The following RAB4A variants were observed in gnomAD, a reference collection of about 807,000 sequenced individuals.
The protein encoded by RAB4A is ras-related protein Rab-4A.
A neutral mutation model predicts 34.5 loss-of-function variants in RAB4A; 20 were observed. The ratio of observed to expected loss-of-function variants is 0.58; its 90% CI spans 0.41 to 0.84. The LOEUF is 0.84. RAB4A is among the 40% of genes least tolerant of loss of function. The pLI, the probability that RAB4A is intolerant of heterozygous loss-of-function variation, is 0.00. For synonymous variants in RAB4A, 102 were observed against 100.0 expected (o/e 1.02, Z -0.12); for missense variants, 228 against 274.5 (o/e 0.83, Z 1.20).
intron 3 of RAB4A, among the ~76,000 whole-genome samples, chr1:229,295,299 G>T (rs1657213168): frequency 6.6e-6 from 1 of 152,158 alleles, no homozygotes; most frequent in African/African-American, 2.4e-5. Flanking sequence ...AAACATGTAT[G>T]ACCAAAAGAC....
intron 1 of RAB4A, among the ~76,000 whole-genome samples, chr1:229,275,108 G>A (rs1421399752): frequency 2.0e-5 from 3 of 152,182 alleles, no homozygotes; most frequent in African/African-American, 2.4e-5. Context: ...CCTAGTACCT[G>A]TGAATGTGAC....
At chr1:229,286,739 T>C (rs760394779) in intron 2 of RAB4A, among the ~76,000 whole-genome samples, 173 bp downstream of exon 2, 7 of 152,220 alleles carry the variant, frequency 4.6e-5, no homozygotes, top group Non-Finnish European at 8.8e-5. Flanking sequence ...TAAGTTAGCA[T>C]TTCTATTTAA....
chr1:229,279,831 G>A (rs921115802), intron 1 of RAB4A, among the ~76,000 whole-genome samples: 3 of 140,834 alleles, frequency 2.1e-5, no homozygotes, highest in Non-Finnish European at 4.6e-5. Context: ...CTTATCAGGT[G>A]AATATAATTA....
At chr1:229,277,108 G>T (rs575621196) in intron 1 of RAB4A, among the ~76,000 whole-genome samples, 10 of 148,008 alleles carry the variant, frequency 6.8e-5, no homozygotes, top group African/African-American at 2.3e-4. Flanking sequence ...TATATCAGTG[G>T]AAAGTAACAA....
At chr1:229,283,898 T>A (rs1571825832) in intron 1 of RAB4A, among the ~76,000 whole-genome samples, 2 of 149,112 alleles carry the variant, frequency 1.3e-5, no homozygotes, top group East Asian at 2.0e-4. Flanking sequence ...GGCTAATTTT[T>A]TTATTATTAT....
At position 229,302,939 on chromosome 1, in the gene RAB4A, C is replaced by T. The variant is rs779345299; in HGVS notation, c.619C>T (p.Arg207Cys). Residue 207 changes from arginine to cysteine, a missense_variant, in exon 7 of 8, where the codon CGC becomes TGC. By Grantham distance (180) the Arg-to-Cys change is radical. Coordinates refer to ENST00000366690, the MANE Select transcript of RAB4A (RefSeq NM_004578.4). Reference sequence around the variant, plus strand: ...CTTGAGACAGCTGAGGTCACCGCGGCGCGCACAGGCCCCGAACGCTCAGGA... The same window carrying T: ...CTTGAGACAGCTGAGGTCACCGCGGTGCGCACAGGCCCCGAACGCTCAGGA... ...AALRQLRSPR[R>C]AQAPNAQECG... 43 of 1,613,752 alleles carry T rather than the reference C, an allele frequency of 2.7e-5. 1 individual carries two copies. Among genetic ancestry groups the T allele is most frequent in the Middle Eastern group, 3.3e-4 (2 of 6,084 alleles).
intron 3 of RAB4A, among the ~76,000 whole-genome samples, chr1:229,292,319 C>T (rs1571831373): frequency 6.6e-6 from 1 of 151,750 alleles, no homozygotes; most frequent in East Asian, 1.9e-4. Flanking sequence ...GTATAAGAAA[C>T]TATTTGTCAA....
chr1:229,301,943 A>G (rs1342022261), intron 6 of RAB4A, among the ~76,000 whole-genome samples: 1 of 151,976 alleles, frequency 6.6e-6, no homozygotes. Context: ...GAGTATCCCT[A>G]ATCCAAAATG....
chr1:229,285,977 T>G (rs184783636), intron 1 of RAB4A, among the ~76,000 whole-genome samples: 214 of 152,370 alleles, frequency 1.4e-3, no homozygotes, highest in Admixed American at 3.3e-3. Context: ...TATGCCGTTA[T>G]ACAAATTACA....
intron 1 of RAB4A, among the ~76,000 whole-genome samples, chr1:229,282,142 T>A (rs954221202): frequency 1.3e-5 from 2 of 151,510 alleles, no homozygotes; most frequent in African/African-American, 4.8e-5. Flanking sequence ...ATTCTGTTAA[T>A]TTTTTTTTAA....
At chr1:229,303,666 T>A (rs1031727519) in intron 7 of RAB4A, 140 bp from the exon 8 acceptor site, 2 of 152,262 alleles carry the variant, frequency 1.3e-5, no homozygotes, top group Non-Finnish European at 2.9e-5. Context: ...GGACGTTTTA[T>A]TTATAGTCGA....
chr1:229,301,082 T>C (rs1412261712), intron 6 of RAB4A, among the ~76,000 whole-genome samples: 1 of 149,630 alleles, frequency 6.7e-6, no homozygotes, highest in Non-Finnish European at 1.5e-5. Flanking sequence ...AGAAAGTCAG[T>C]GATCATTTTG....
At chr1:229,274,826 C>T (rs1444456502) in intron 1 of RAB4A, among the ~76,000 whole-genome samples, 1 of 152,214 alleles carries the variant, frequency 6.6e-6, no homozygotes, top group Non-Finnish European at 1.5e-5. Flanking sequence ...AAATCTAATA[C>T]AAAATCTCTA....
At chr1:229,288,523 A>G (rs1656982840) in intron 2 of RAB4A, among the ~76,000 whole-genome samples, 1 of 152,196 alleles carries the variant, frequency 6.6e-6, no homozygotes, top group Admixed American at 6.5e-5. Flanking sequence ...TTTGAGAAAA[A>G]TCTTTATGTC....
Position 229,271,382 on chromosome 1 carries a change from G to T in RAB4A, c.31+12G>T. 1 of 1,227,638 alleles carries T rather than the reference G, an allele frequency of 8.1e-7. No individual in the cohort carries two copies. Among genetic ancestry groups the T allele is most frequent in the Non-Finnish European group, 1.0e-6 (1 of 984,734 alleles). 76.0% of individuals were successfully genotyped at this position (1,227,638 alleles called of 1,614,324 possible). ...GTCCGAAACCTACGGTACGAGGCCC[G>T]GGCTGGCGGGGCGCGCGGGTCGGGC... On this transcript the variant is annotated intron_variant, in intron 1 of 7. Transcript: ENST00000366690.
intron 1 of RAB4A, among the ~76,000 whole-genome samples, chr1:229,271,679 A>C (rs951350263): frequency 9.9e-5 from 15 of 152,098 alleles, no homozygotes; most frequent in Admixed American, 9.8e-4. Flanking sequence ...TCTCAGTCTA[A>C]TGTAAATAAC....
intron 6 of RAB4A, among the ~76,000 whole-genome samples, 166 bp from the exon 7 acceptor site, chr1:229,302,696 T>A (rs1055620871): frequency 2.6e-5 from 4 of 151,914 alleles, no homozygotes; most frequent in African/African-American, 9.7e-5. Flanking sequence ...CTGCTAGAGA[T>A]GTTTTGTGCC....
At chr1:229,274,353 C>T (rs2102831607) in intron 1 of RAB4A, among the ~76,000 whole-genome samples, 1 of 152,190 alleles carries the variant, frequency 6.6e-6, no homozygotes, top group Non-Finnish European at 1.5e-5. Context: ...GCATGAGCCA[C>T]TGTGCCCTGC....
intron 3 of RAB4A, chr1:229,289,272 T>C (rs1657002278): frequency 6.3e-6 from 1 of 159,454 alleles, no homozygotes; most frequent in Admixed American, 6.5e-5. Flanking sequence ...CCACAAAATA[T>C]TCTCTCCACA....
Sources: gnomAD v4.1 joint callset for allele counts (sites outside exome capture counted in the v4.1 genomes callset) on GRCh38, gnomAD v4.1.1 for gene constraint, MANE v1.5 for transcripts, NCBI Gene and HGNC (gene_info 2026-07-23, HGNC 2026-07-21) for gene names.